The following ZNF516 variants were observed in gnomAD, a reference collection of about 807,000 sequenced individuals.
ZNF516 encodes the protein zinc finger protein 516.
A neutral mutation model predicts 79.7 loss-of-function variants in ZNF516; 19 were observed. The observed-to-expected ratio is 0.24, with a 90% CI of 0.17 to 0.35. ZNF516 has a LOEUF of 0.35. ZNF516 is among the 10% of genes least tolerant of loss of function. The pLI, the probability that ZNF516 is intolerant of heterozygous loss-of-function variation, is 1.00. For missense variants in ZNF516, 1,678 were observed against 1,679.5 expected (o/e 1.00, Z 0.02); for synonymous variants, 877 against 739.5 (o/e 1.19, Z -3.02).
At chr18:76,477,508 T>C (rs1599151133) in intron 1 of ZNF516, among the ~76,000 whole-genome samples, 1 of 152,184 alleles carries the variant, frequency 6.6e-6, no homozygotes. Flanking sequence ...TTGAGACACA[T>C]GGGACAAAAG....
chr18:76,398,514 A>T (rs2075174889), intron 3 of ZNF516, among the ~76,000 whole-genome samples: 1 of 152,206 alleles, frequency 6.6e-6, no homozygotes, highest in Non-Finnish European at 1.5e-5. Flanking sequence ...TGTCGGGAAG[A>T]AGGTGCTGAC....
Position 76,493,930 on chromosome 18 carries a change from A to C in ZNF516, c.-272+1214T>G, listed in dbSNP as rs1915369756. 1 of 152,222 alleles carries C rather than the reference A, an allele frequency of 6.6e-6. No individual in the cohort carries two copies. The highest frequency in any genetic ancestry group is 2.4e-5 in the African/African-American group (1 of 41,448). 9.4% of individuals were successfully genotyped at this position (152,222 alleles called of 1,614,324 possible). A position where few individuals can be genotyped will look rare whatever the true frequency, so the allele number is the denominator to read the frequency against. ...AATATATTTAAAAAGAGGGCTGCGC[A>C]AGTTGATCTTTGCACACCCGGAGAC... On this transcript the variant is annotated intron_variant, in intron 1 of 6. Transcript: ENST00000443185. The surrounding 1 kb of genome is among the most constrained non-coding windows in gnomAD (Gnocchi z 5.2).
At chr18:76,422,533 T>C (rs2145386100) in intron 3 of ZNF516, among the ~76,000 whole-genome samples, 1 of 152,330 alleles carries the variant, frequency 6.6e-6, no homozygotes, top group South Asian at 2.1e-4. Context: ...GTTCTAAGGC[T>C]ATAAGAGAAG....
chr18:76,468,715 C>T (rs1004293640), intron 1 of ZNF516, among the ~76,000 whole-genome samples: 5 of 152,150 alleles, frequency 3.3e-5, no homozygotes, highest in Admixed American at 6.6e-5. Context: ...CCAACGCGCC[C>T]GGCCGTGTTA....
At chr18:76,481,315 C>A (rs1254124402) in intron 1 of ZNF516, among the ~76,000 whole-genome samples, 3 of 152,226 alleles carry the variant, frequency 2.0e-5, no homozygotes, top group Admixed American at 6.5e-5. Flanking sequence ...GGCCCATAGA[C>A]AGGCTGGGGA....
In ZNF516 at chr18:76,441,584, C is replaced by A; in HGVS notation, c.1471G>T (p.Gly491Cys). The change falls in exon 3 of 7, where the codon GGC (glycine) becomes TGC (cysteine). Residue 491 changes from glycine to cysteine, a missense_variant. Coordinates refer to ENST00000443185, the MANE Select transcript of ZNF516 (RefSeq NM_014643.4). ...ASGPGDPAPA[G>C]HLDPRSAARP... ...GCGGCCGAGCGGGGATCGAGGTGGCCGGCGGGCGCGGGGTCCCCAGGCCCG... is the reference window on the plus strand; with the variant it reads ...GCGGCCGAGCGGGGATCGAGGTGGCAGGCGGGCGCGGGGTCCCCAGGCCCG... 1 of 1,435,668 alleles carries A rather than the reference C, an allele frequency of 7.0e-7. No homozygotes were observed. Among genetic ancestry groups the A allele is most frequent in the Non-Finnish European group, 9.1e-7 (1 of 1,098,724 alleles). 88.9% of individuals were successfully genotyped at this position (1,435,668 alleles called of 1,614,324 possible).
chr18:76,475,323 C>T (rs1914112754), intron 1 of ZNF516, among the ~76,000 whole-genome samples: 1 of 152,060 alleles, frequency 6.6e-6, no homozygotes, highest in African/African-American at 2.4e-5. Context: ...TGGTATTTTC[C>T]TCTATTAAGT....
intron 1 of ZNF516, among the ~76,000 whole-genome samples, chr18:76,486,792 A>G (rs900377682): frequency 2.0e-5 from 3 of 152,072 alleles, no homozygotes; most frequent in African/African-American, 7.2e-5. Flanking sequence ...TGGATTTCAC[A>G]ATTACATACG....
At chr18:76,421,047 G>A (rs1216297071) in intron 3 of ZNF516, among the ~76,000 whole-genome samples, 2 of 152,228 alleles carry the variant, frequency 1.3e-5, no homozygotes, top group Non-Finnish European at 2.9e-5. Context: ...CCTGGGCGTG[G>A]ACAATTTCTA....
chr18:76,473,020 C>A (rs992584721), intron 1 of ZNF516, among the ~76,000 whole-genome samples: 5 of 152,222 alleles, frequency 3.3e-5, no homozygotes, highest in Middle Eastern at 3.4e-3. Context: ...TAACTTCTTT[C>A]CCAAAGGGGA....
intron 2 of ZNF516, among the ~76,000 whole-genome samples, chr18:76,454,779 A>G (rs900280897): frequency 6.6e-6 from 1 of 152,226 alleles, no homozygotes; most frequent in Non-Finnish European, 1.5e-5. Flanking sequence ...CAGGAAACAA[A>G]AAAGGATAAA....
rs144496979 is a variant in ZNF516, at chr18:76,381,035, G to A, written c.1811-732C>T. On this transcript the variant is annotated intron_variant, in intron 3 of 6. Transcript: ENST00000443185. Reference sequence around the variant, plus strand: ...CGGGGTTCCGCCCCTCAAGCTCTGCGCCCCTGATGGTCGGACCTTGACGGA... The same window carrying A: ...CGGGGTTCCGCCCCTCAAGCTCTGCACCCCTGATGGTCGGACCTTGACGGA... 5.4e-3 allele frequency among the ~76,000 whole-genome samples: 825 copies of A among 152,304 alleles called. 8 individuals are homozygous for A. Among genetic ancestry groups the A allele is most frequent in the African/African-American group, 0.018 (763 of 41,562 alleles).
At chr18:76,415,603 G>C (rs2075423561) in intron 3 of ZNF516, among the ~76,000 whole-genome samples, 1 of 152,196 alleles carries the variant, frequency 6.6e-6, no homozygotes, top group African/African-American at 2.4e-5. Flanking sequence ...GGCTGCAGTG[G>C]AGGAGTCGGG....
chr18:76,424,976 C>T (rs369940992), intron 3 of ZNF516, among the ~76,000 whole-genome samples: 8 of 150,548 alleles, frequency 5.3e-5, no homozygotes, highest in African/African-American at 1.7e-4. Flanking sequence ...CCCCGAAACA[C>T]ACACGCAGGT....
chr18:76,373,193 A>G (rs1436952122), intron 4 of ZNF516, among the ~76,000 whole-genome samples: 1 of 151,202 alleles, frequency 6.6e-6, no homozygotes, highest in Admixed American at 6.6e-5. Flanking sequence ...AAAGAACAGA[A>G]GAGAGAAGAA....
chr18:76,496,076 T>C (rs913678136), upstream of ZNF516, among the ~76,000 whole-genome samples: 2 of 151,222 alleles, frequency 1.3e-5, no homozygotes, highest in African/African-American at 4.9e-5. Flanking sequence ...AAGTTGAGTC[T>C]GGGACTAGAA....
At chr18:76,483,205 AG>A (rs1274329854) in intron 1 of ZNF516, among the ~76,000 whole-genome samples, 3 of 152,124 alleles carry the variant, frequency 2.0e-5, no homozygotes, top group Non-Finnish European at 4.4e-5. Flanking sequence ...AGACTCCTCC[AG>A]GAGGTGTTTA....
rs114588793 is a variant in ZNF516 at position 76,374,863 on chromosome 18, C to A, written c.3260-3292G>T. ...AAACACATGCGGTGAGAAGAGAAGACCAGAAAGCAGAGATACACTTGTATA... is the reference window on the plus strand; with the variant it reads ...AAACACATGCGGTGAGAAGAGAAGAACAGAAAGCAGAGATACACTTGTATA... On this transcript the variant is annotated intron_variant, in intron 4 of 6. Transcript: ENST00000443185. Among the ~76,000 whole-genome samples, 910 of 152,172 alleles carry A rather than the reference C, an allele frequency of 6.0e-3. 7 individuals are homozygous for A. Among genetic ancestry groups the A allele is most frequent in the African/African-American group, 0.021 (861 of 41,496 alleles).
upstream of ZNF516, chr18:76,496,354 G>A (rs745865874): frequency 1.1e-5 from 14 of 1,289,696 alleles, 1 homozygote; most frequent in South Asian, 1.2e-4. Flanking sequence ...GACGCCCAAC[G>A]TGGCTCCGCG....
Sources: gnomAD v4.1 joint callset for allele counts (sites outside exome capture counted in the v4.1 genomes callset) on GRCh38, gnomAD v4.1.1 for gene constraint, Gnocchi (gnomAD v3.1) non-coding constraint, MANE v1.5 for transcripts, NCBI Gene and HGNC (gene_info 2026-07-23, HGNC 2026-07-21) for gene names.